TNKS2: variants seen among roughly 807,000 people sequenced by gnomAD.
The protein encoded by TNKS2 is tankyrase 2, also known as poly [ADP-ribose] polymerase tankyrase-2.
A neutral mutation model predicts 137.6 loss-of-function variants in TNKS2; 72 were observed. The ratio of observed to expected loss-of-function variants is 0.52; its 90% CI spans 0.43 to 0.64. The LOEUF (loss-of-function observed/expected upper bound fraction) is 0.64, where lower values mean the gene tolerates loss of function less well. Among genes scored for constraint, TNKS2 ranks in the 30% least tolerant of loss-of-function variants. The pLI is 0.00. For missense variants in TNKS2, 1,049 were observed against 1,410.2 expected (o/e 0.74, Z 4.10); for synonymous variants, 516 against 512.1 (o/e 1.01, Z -0.10).
chr10:91,847,399 C>G (rs189278509), intron 18 of TNKS2, among the ~76,000 whole-genome samples: 56 of 152,236 alleles, frequency 3.7e-4, no homozygotes, highest in South Asian at 2.1e-3. Context: ...AAGTCTCACT[C>G]TGTCACCCAG....
At position 91,820,001 on chromosome 10, in the gene TNKS2, A is replaced by G; in HGVS notation, c.696A>G (p.Gln232=). 1 of 1,595,368 alleles carries G rather than the reference A, an allele frequency of 6.3e-7. No individual in the cohort carries two copies. The highest frequency in any genetic ancestry group is 8.5e-7 in the Non-Finnish European group (1 of 1,171,092). ...NRVKIVQLLL[Q]HGADVHAKDK... is the part of the protein sequence containing the mutation. ...TAAAGATTGTACAGCTGTTACTGCA[A>G]CATGGAGCTGATGTCCATGCTAAAG... Residue 232 remains glutamine (Q), a synonymous_variant, in exon 6 of 27, where the codon CAA becomes CAG. Coordinates refer to ENST00000371627, the MANE Select transcript of TNKS2 (RefSeq NM_025235.4).
At position 91,817,213 on chromosome 10, in the gene TNKS2, C is replaced by G; in HGVS notation, c.504C>G (p.Ala168=). The G allele has an allele frequency of 6.2e-7, 1 of 1,612,776 alleles. No individual in the cohort carries two copies. Among genetic ancestry groups the G allele is most frequent in the Non-Finnish European group, 8.5e-7 (1 of 1,179,258 alleles). The change falls in exon 3 of 27, where the codon GCC becomes GCG. Residue 168 remains alanine, a synonymous_variant. Transcript: ENST00000371627. Reference sequence around the variant, plus strand: ...CATTGGATTTAGCAGATCCATCTGCCAAAGCAGTGCTTACTGGTAAGTCTG... The same window carrying G: ...CATTGGATTTAGCAGATCCATCTGCGAAAGCAGTGCTTACTGGTAAGTCTG... ...RTALDLADPS[A]KAVLTGEYKK...
intron 25 of TNKS2, 99 bp from the exon 26 acceptor site, chr10:91,861,900 T>C: frequency 9.6e-7 from 1 of 1,039,042 alleles, no homozygotes; most frequent in Non-Finnish European, 1.4e-6. Context: ...TAAGTATTTA[T>C]GTATAAATAA....
In TNKS2 at chr10:91,817,177, T is replaced by C. The variant is rs760295659; in HGVS notation, c.468T>C (p.Asp156=). 9 of 1,613,696 alleles carry C rather than the reference T, an allele frequency of 5.6e-6. No homozygotes were observed. Among genetic ancestry groups the C allele is most frequent in the Non-Finnish European group, 7.6e-6 (9 of 1,179,896 alleles). ...HGAEPTIRNT[D]GRTALDLADP... ...CTGAGCCAACCATCCGAAATACAGA[T>C]GGAAGGACAGCATTGGATTTAGCAG... The change falls in exon 3 of 27, where the codon GAT becomes GAC. Residue 156 remains aspartate, a synonymous_variant. Transcript: ENST00000371627.
intron 2 of TNKS2, among the ~76,000 whole-genome samples, chr10:91,816,401 C>T (rs908511520): frequency 3.9e-5 from 6 of 152,232 alleles, no homozygotes; most frequent in Non-Finnish European, 8.8e-5. Flanking sequence ...ATTTATATAT[C>T]CCTCAGTTAA....
intron 12 of TNKS2, 149 bp downstream of exon 12, chr10:91,834,173 A>G: frequency 1.8e-6 from 1 of 542,884 alleles, no homozygotes; most frequent in African/African-American, 1.9e-5. Context: ...AATCAGCTGA[A>G]TATCCTCAGT....
chr10:91,811,306 T>C (rs1844494839), intron 1 of TNKS2, among the ~76,000 whole-genome samples: 1 of 151,730 alleles, frequency 6.6e-6, no homozygotes, highest in Non-Finnish European at 1.5e-5. Context: ...CTTGCTCATC[T>C]CCTTTCCCTC....
chr10:91,808,361 G>C (rs1844396880), intron 1 of TNKS2, among the ~76,000 whole-genome samples: 1 of 152,030 alleles, frequency 6.6e-6, no homozygotes, highest in Non-Finnish European at 1.5e-5. Flanking sequence ...AGTTGGGAAA[G>C]GGAAGAATCG....
chr10:91,810,401 A>C (rs1411205514), intron 1 of TNKS2, among the ~76,000 whole-genome samples: 5 of 150,524 alleles, frequency 3.3e-5, no homozygotes, highest in Non-Finnish European at 7.4e-5. Context: ...ACAACAACAA[A>C]AAAAACCCTG....
intron 1 of TNKS2, among the ~76,000 whole-genome samples, chr10:91,802,024 C>T (rs1749794602): frequency 1.3e-5 from 2 of 152,164 alleles, no homozygotes; most frequent in African/African-American, 4.8e-5. Context: ...ATGTGGCATT[C>T]CTTACAATCT....
In TNKS2 at chr10:91,818,855, T is replaced by C. The variant is rs183548412; in HGVS notation, c.521-415T>C. On this transcript the variant is annotated intron_variant, in intron 3 of 26. Transcript: ENST00000371627. Reference sequence around the variant, plus strand: ...GACATTTTTAGGTTTGGAACAAAGTTGTAGATACATTTTGTTTCTCTGTTA... The same window carrying C: ...GACATTTTTAGGTTTGGAACAAAGTCGTAGATACATTTTGTTTCTCTGTTA... 1.3e-3 allele frequency among the ~76,000 whole-genome samples: 193 copies of C among 152,280 alleles called. 1 individual carries two copies. The highest frequency in any genetic ancestry group is 4.4e-3 in the African/African-American group (182 of 41,568).
intron 16 of TNKS2, 45 bp downstream of exon 16, chr10:91,842,436 A>G (rs1482419461): frequency 1.9e-6 from 3 of 1,554,858 alleles, no homozygotes; most frequent in South Asian, 2.3e-5. Context: ...AATATCTGAG[A>G]TTCATTTTAC....
intron 15 of TNKS2, 27 bp from the exon 16 acceptor site, chr10:91,842,145 C>CT (rs769856504): frequency 1.9e-6 from 3 of 1,550,340 alleles, no homozygotes; most frequent in Non-Finnish European, 2.7e-6. Context: ...CCATTTCCCC[C>CT]TTTTTTTCTG....
At chr10:91,854,534 T>C (rs1842645099) in intron 21 of TNKS2, among the ~76,000 whole-genome samples, 1 of 152,152 alleles carries the variant, frequency 6.6e-6, no homozygotes. Flanking sequence ...GGAAAGTGGG[T>C]GAAGGGTACA....
Position 91,798,715 on chromosome 10 carries a change from G to A in TNKS2, c.25G>A (p.Gly9Arg), listed in dbSNP as rs970434933. ...CATGTCGGGTCGCCGCTGCGCCGGC[G>A]GGGGAGCGGCCTGCGCGAGCGCCGC... MSGRRCAG[G>R]GAACASAAAE... is the part of the protein sequence containing the mutation. The change falls in exon 1 of 27, where the codon GGG becomes AGG. Residue 9 changes from glycine (G) to arginine (R), a missense_variant. Physicochemically the swap from Gly to Arg is moderately radical, Grantham distance 125. Transcript: ENST00000371627. 30 of 1,237,470 alleles carry A rather than the reference G, an allele frequency of 2.4e-5. No homozygotes were observed. The highest frequency in any genetic ancestry group is 2.9e-5 in the Non-Finnish European group (29 of 986,806). 76.7% of individuals were successfully genotyped at this position (1,237,470 alleles called of 1,614,324 possible). A position where few individuals can be genotyped will look rare whatever the true frequency, so the allele number is the denominator to read the frequency against.
intron 16 of TNKS2, among the ~76,000 whole-genome samples, chr10:91,843,849 T>C (rs1215606805): frequency 6.6e-6 from 1 of 152,240 alleles, no homozygotes; most frequent in African/African-American, 2.4e-5. Context: ...TCTTGTATTA[T>C]AACTTGGTGT....
At chr10:91,820,809 G>T (rs1844861952) in intron 6 of TNKS2, among the ~76,000 whole-genome samples, 1 of 152,176 alleles carries the variant, frequency 6.6e-6, no homozygotes, top group South Asian at 2.1e-4. Flanking sequence ...GGTGGCAGAA[G>T]AAATGAAAAT....
chr10:91,818,376 TTAAA>T (rs1844778338), intron 3 of TNKS2, among the ~76,000 whole-genome samples: 2 of 151,280 alleles, frequency 1.3e-5, no homozygotes, highest in African/African-American at 4.9e-5. Context: ...TAAAGTAGCA[TTAAA>T]TAAACATGAT....
chr10:91,838,661 C>T (rs1842110308), intron 13 of TNKS2, among the ~76,000 whole-genome samples: 2 of 152,166 alleles, frequency 1.3e-5, no homozygotes, highest in African/African-American at 4.8e-5. Context: ...AATACCATCT[C>T]TTGAATGGGG....
Sources: gnomAD v4.1 joint callset for allele counts (sites outside exome capture counted in the v4.1 genomes callset) on GRCh38, gnomAD v4.1.1 for gene constraint, MANE v1.5 for transcripts, NCBI Gene and HGNC (gene_info 2026-07-23, HGNC 2026-07-21) for gene names.